Variants in LRRC56 observed in about 807,000 individuals in gnomAD.
LRRC56 encodes the protein leucine-rich repeat-containing protein 56.
Under a neutral mutation model 47.8 loss-of-function variants are expected in LRRC56, and 41 were observed. That is an observed-to-expected ratio of 0.86 (90% CI 0.67 to 1.11). The LOEUF (loss-of-function observed/expected upper bound fraction) is 1.11. Ranked by LOEUF, LRRC56 falls within the 50% of genes most tolerant of loss-of-function variation. The probability of loss-of-function intolerance (pLI) is 0.00; values close to 1 mark genes in which losing one functional copy is unlikely to be tolerated. For missense variants in LRRC56, 759 were observed against 704.2 expected, an observed-to-expected ratio of 1.08 and a Z score of -0.88; for synonymous variants, 387 against 311.2, an observed-to-expected ratio of 1.24 and a Z score of -2.56.
At chr11:546,586 G>C (rs941558416) in intron 6 of LRRC56, among the ~76,000 whole-genome samples, 1 of 151,342 alleles carries the variant, frequency 6.6e-6, no homozygotes, top group Non-Finnish European at 1.5e-5. Flanking sequence ...AAAAATACAT[G>C]AAGATCTGGA....
the LRRC56 span, among the ~76,000 whole-genome samples, chr11:510,289 T>C: frequency 6.6e-6 from 1 of 152,218 alleles, no homozygotes; most frequent in Admixed American, 6.5e-5. Context: ...TGGAGAGTCC[T>C]GTGCCTGTTC....
In LRRC56 at chr11:554,441, G is replaced by C; in HGVS notation, c.*165G>C. ...GGGAGTGGGGGACTGGGACCAGCCA[G>C]GGAGGCAGCAGAGGCTGGAACCCAG... On this transcript the variant is annotated 3_prime_UTR_variant, in exon 14 of 14. Transcript: ENST00000270115. 5.2e-6 allele frequency: 3 copies of C among 582,120 alleles called. No individual in the cohort carries two copies. Among genetic ancestry groups the C allele is most frequent in the Non-Finnish European group, 8.0e-6 (3 of 374,764 alleles). 36.1% of individuals were successfully genotyped at this position (582,120 alleles called of 1,614,324 possible). A position where few individuals can be genotyped will look rare whatever the true frequency, so the allele number is the denominator to read the frequency against.
At chr11:549,872 A>T (rs769974566) in intron 6 of LRRC56, 30 bp from the exon 7 acceptor site, 1 of 1,595,272 alleles carries the variant, frequency 6.3e-7, no homozygotes, top group African/African-American at 1.3e-5. Flanking sequence ...GGCTGGGCAC[A>T]TGTTGACCAC....
At chr11:537,734 C>T in intron 1 of LRRC56, 129 bp downstream of exon 1, 1 of 152,434 alleles carries the variant, frequency 6.6e-6, no homozygotes, top group Non-Finnish European at 1.5e-5. Context: ...CCAGTGATGG[C>T]CCCGCATGTC....
At chr11:512,109 A>G in the LRRC56 span, among the ~76,000 whole-genome samples, 1 of 151,752 alleles carries the variant, frequency 6.6e-6, no homozygotes, top group African/African-American at 2.4e-5. Context: ...ACACCCAGCT[A>G]ATTTTTGTAT....
the LRRC56 span, among the ~76,000 whole-genome samples, chr11:518,099 T>C: frequency 6.6e-6 from 1 of 151,968 alleles, no homozygotes; most frequent in African/African-American, 2.4e-5. Flanking sequence ...GCTGACCTTC[T>C]CTCCACTATT....
upstream of LRRC56, chr11:533,872 C>T (rs2133990979): frequency 6.2e-7 from 1 of 1,613,386 alleles, no homozygotes; most frequent in Non-Finnish European, 8.5e-7. Flanking sequence ...CTGTACTCCT[C>T]CTGGCCGGCG....
At chr11:547,588 A>C (rs1459468332) in intron 6 of LRRC56, among the ~76,000 whole-genome samples, 1 of 151,162 alleles carries the variant, frequency 6.6e-6, no homozygotes, top group Admixed American at 6.6e-5. Flanking sequence ...TCCTGACCTC[A>C]TGATCTGCCC....
chr11:522,329 G>A, the LRRC56 span, among the ~76,000 whole-genome samples: 133 of 151,906 alleles, frequency 8.8e-4, 2 homozygotes, highest in African/African-American at 3.1e-3. Flanking sequence ...GCAGTGGCGC[G>A]ATCTCAGCTC....
At chr11:532,609 C>T (rs367794685), upstream of LRRC56, 11 of 1,602,006 alleles carry the variant, frequency 6.9e-6, no homozygotes, top group South Asian at 3.3e-5. Context: ...GGCGTGGCGG[C>T]CGCCCTGGGA....
At chr11:539,299 A>G (rs1040938767) in intron 2 of LRRC56, among the ~76,000 whole-genome samples, 1 of 149,016 alleles carries the variant, frequency 6.7e-6, no homozygotes, top group African/African-American at 2.5e-5. Context: ...GTTAGCCAGG[A>G]TGGTCTTGAT....
At chr11:543,290 C>T (rs1851898350) in intron 5 of LRRC56, among the ~76,000 whole-genome samples, 1 of 151,940 alleles carries the variant, frequency 6.6e-6, no homozygotes, top group African/African-American at 2.4e-5. Context: ...TCTTGGCTCA[C>T]TGCAACCTCA....
At chr11:542,580 C>CA (rs71022928) in intron 5 of LRRC56, among the ~76,000 whole-genome samples, 3,418 of 25,518 alleles carry the variant, frequency 0.13, 244 homozygotes, top group Non-Finnish European at 0.15. Flanking sequence ...AACCCTGTCG[C>CA]AAAAAAAAAA....
At chr11:516,753 A>G in the LRRC56 span, among the ~76,000 whole-genome samples, 1 of 152,234 alleles carries the variant, frequency 6.6e-6, no homozygotes, top group African/African-American at 2.4e-5. Context: ...CTCTAAATAA[A>G]TAAAATAAGA....
chr11:512,091 G>T, the LRRC56 span, among the ~76,000 whole-genome samples: 1 of 151,630 alleles, frequency 6.6e-6, no homozygotes, highest in Non-Finnish European at 1.5e-5. Flanking sequence ...CTACAGGTGC[G>T]TGCCACCACA....
rs560026057 is a variant in LRRC56 at position 539,287 on chromosome 11, T to A, written c.-158-293T>A. On this transcript the variant is annotated intron_variant, in intron 2 of 13. Coordinates refer to ENST00000270115, the MANE Select transcript of LRRC56 (RefSeq NM_198075.4). ...TCTTTAGTAGAGATGGGGTTTCACCTCGTTAGCCAGGATGGTCTTGATCTC... is the reference window on the plus strand; with the variant it reads ...TCTTTAGTAGAGATGGGGTTTCACCACGTTAGCCAGGATGGTCTTGATCTC... Among the ~76,000 whole-genome samples, 7 of 151,412 alleles carry A rather than the reference T, an allele frequency of 4.6e-5. No individual in the cohort carries two copies. In the East Asian group the frequency reaches 1.4e-3, roughly 29 times the overall value.
Position 541,697 on chromosome 11 carries a change from TTA to T in LRRC56, c.265+75_265+76del. On this transcript the variant is annotated intron_variant, in intron 5 of 13. Coordinates refer to ENST00000270115, the MANE Select transcript of LRRC56 (RefSeq NM_198075.4). The surrounding 1 kb of genome is among the most constrained non-coding windows in gnomAD (Gnocchi z 4.1). The stretch of plus-strand genomic sequence containing the variant: ...CCTGTAAACAACACACGTTTCCTGG[TTA>T]TGACGACAAAGCTGTCCTCACCTCT... The T allele has an allele frequency of 1.0e-6, 1 of 979,436 alleles. No individual in the cohort carries two copies. Among genetic ancestry groups the T allele is most frequent in the Non-Finnish European group, 1.5e-6 (1 of 662,308 alleles). The allele number at this position is 979,436 out of a possible 1,614,324, so 60.7% of individuals were successfully genotyped here.
chr11:553,841 G>C, intron 13 of LRRC56, 122 bp from the exon 14 acceptor site: 1 of 798,258 alleles, frequency 1.3e-6, no homozygotes. Flanking sequence ...GCTGCTGCCT[G>C]TGGACCCCCA....
intron 1 of LRRC56, among the ~76,000 whole-genome samples, chr11:538,264 C>T (rs1010747198): frequency 2.6e-5 from 4 of 152,170 alleles, no homozygotes; most frequent in Non-Finnish European, 4.4e-5. Context: ...TGACTCAGCC[C>T]TTAGTGTCAC....
Sources: allele counts gnomAD v4.1 joint callset (sites outside exome capture counted in the v4.1 genomes callset), GRCh38; gene constraint gnomAD v4.1.1; non-coding constraint Gnocchi (gnomAD v3.1); transcripts MANE v1.5; gene names NCBI Gene and HGNC (gene_info 2026-07-23, HGNC 2026-07-21).